Variants in DSCAM observed in about 807,000 individuals in gnomAD.
DSCAM encodes the protein DS cell adhesion molecule, also known as cell adhesion molecule DSCAM.
DSCAM carries 47 observed loss-of-function variants against 217.7 expected under a neutral mutation model. The ratio of observed to expected loss-of-function variants is 0.22; its 90% confidence interval spans 0.17 to 0.28. The LOEUF (loss-of-function observed/expected upper bound fraction) is 0.28. Among genes scored for constraint, DSCAM ranks in the 10% least tolerant of loss-of-function variants. The probability of loss-of-function intolerance (pLI) is 1.00; values close to 1 mark genes in which losing one functional copy is unlikely to be tolerated. For missense variants in DSCAM, 2,080 were observed against 2,618.3 expected, an observed-to-expected ratio of 0.79 and a Z score of 4.49; for synonymous variants, 1,056 against 1,015.3, an observed-to-expected ratio of 1.04 and a Z score of -0.76.
At chr21:40,834,324 A>G (rs375724955) in intron 1 of DSCAM, among the ~76,000 whole-genome samples, 1 of 151,178 alleles carries the variant, frequency 6.6e-6, no homozygotes, top group Non-Finnish European at 1.5e-5. Flanking sequence ...GGAGAACGGC[A>G]TGAACCCGGG....
chr21:40,142,752 G>A (rs1197113942), intron 17 of DSCAM, 48 bp from the exon 18 acceptor site: 3 of 1,479,156 alleles, frequency 2.0e-6, no homozygotes, highest in Non-Finnish European at 2.7e-6. Context: ...TGGTTTATGA[G>A]CAAAGCAATA....
chr21:40,559,844 G>C (rs1418444293), intron 3 of DSCAM, among the ~76,000 whole-genome samples: 2 of 144,504 alleles, frequency 1.4e-5, no homozygotes, highest in Non-Finnish European at 1.5e-5. Context: ...CCAGGCTGGA[G>C]TGCAGTGGCG....
chr21:40,057,064 G>A (rs1299127850), intron 28 of DSCAM, among the ~76,000 whole-genome samples: 3 of 152,178 alleles, frequency 2.0e-5, no homozygotes, highest in African/African-American at 7.2e-5. Flanking sequence ...TATACTCCTC[G>A]TTTGAGTAAA....
intron 3 of DSCAM, among the ~76,000 whole-genome samples, chr21:40,556,194 ATTTAG>A (rs1180331188): frequency 6.6e-6 from 1 of 152,198 alleles, no homozygotes; most frequent in Non-Finnish European, 1.5e-5. Context: ...GATTCTATGT[ATTTAG>A]TTTACTCTTG....
At chr21:40,502,090 A>AT (rs1329656917) in intron 3 of DSCAM, among the ~76,000 whole-genome samples, 1 of 152,102 alleles carries the variant, frequency 6.6e-6, no homozygotes, top group Non-Finnish European at 1.5e-5. Context: ...CATTTGTTCT[A>AT]TTTTTCACTA....
At chr21:40,365,221 C>T (rs903738287) in intron 4 of DSCAM, among the ~76,000 whole-genome samples, 5 of 151,964 alleles carry the variant, frequency 3.3e-5, no homozygotes, top group African/African-American at 1.2e-4. Context: ...GCAGACCCAC[C>T]CTCAATCTGG....
At chr21:40,846,001 T>A (rs1480536430) in intron 1 of DSCAM, among the ~76,000 whole-genome samples, 1 of 97,904 alleles carries the variant, frequency 1.0e-5, no homozygotes, top group African/African-American at 5.0e-5. Context: ...ATACAGGTGT[T>A]TTTTTTTTTT....
At chr21:40,589,860 TA>T (rs1180647551) in intron 3 of DSCAM, among the ~76,000 whole-genome samples, 1 of 152,200 alleles carries the variant, frequency 6.6e-6, no homozygotes, top group Non-Finnish European at 1.5e-5. Context: ...TCTGGTAGCT[TA>T]TGTCTGGATA....
chr21:40,213,182 T>C (rs1447181437), intron 11 of DSCAM, among the ~76,000 whole-genome samples: 1 of 152,238 alleles, frequency 6.6e-6, no homozygotes, highest in African/African-American at 2.4e-5. Flanking sequence ...CACAAAACTT[T>C]TACTTATTAT....
chr21:40,167,377 A>G, intron 15 of DSCAM, 89 bp from the exon 16 acceptor site: 2 of 1,120,934 alleles, frequency 1.8e-6, no homozygotes, highest in South Asian at 2.5e-5. Flanking sequence ...CCCGAGGACA[A>G]CCCATCCCTA....
At chr21:40,039,617 T>TATTA (rs1044146600) in intron 32 of DSCAM, among the ~76,000 whole-genome samples, 4 of 152,206 alleles carry the variant, frequency 2.6e-5, no homozygotes, top group East Asian at 1.9e-4. Flanking sequence ...TATTCAATAC[T>TATTA]ATTAATTCAT....
intron 3 of DSCAM, among the ~76,000 whole-genome samples, chr21:40,591,523 A>T (rs2076984382): frequency 6.6e-6 from 1 of 152,230 alleles, no homozygotes; most frequent in African/African-American, 2.4e-5. Flanking sequence ...TATGACAGAC[A>T]TTTGAAACAG....
chr21:40,333,499 G>A (rs2074397919), intron 8 of DSCAM, among the ~76,000 whole-genome samples: 2 of 152,104 alleles, frequency 1.3e-5, no homozygotes, highest in Admixed American at 1.3e-4. Context: ...TGAGTATCTA[G>A]GATTACAGGT....
intron 3 of DSCAM, among the ~76,000 whole-genome samples, chr21:40,568,498 T>C (rs1282394995): frequency 6.6e-6 from 1 of 152,130 alleles, no homozygotes; most frequent in Non-Finnish European, 1.5e-5. Flanking sequence ...AGGCTGTACA[T>C]TCAAGGAGAT....
chr21:40,187,753 C>G, intron 13 of DSCAM, 138 bp downstream of exon 13: 1 of 805,856 alleles, frequency 1.2e-6, no homozygotes, highest in East Asian at 2.7e-5. Flanking sequence ...TTAGCACTGA[C>G]ATTATACATA....
rs982422152 is a variant in DSCAM, at chr21:40,683,710, C to T, written c.508+9100G>A. ...GGACAGCTCTTCCTGTGGGAGAGAA[C>T]GTGGGGCTGAGCCATGAAGGAGGTA... On this transcript the variant is annotated intron_variant, in intron 3 of 32. Transcript: ENST00000400454. Among the ~76,000 whole-genome samples, 5 of 152,068 alleles carry T rather than the reference C, an allele frequency of 3.3e-5. No individual in the cohort carries two copies. In the East Asian group the frequency reaches 5.8e-4, roughly 18 times the overall value.
At position 40,013,142 on chromosome 21, in the gene DSCAM, T is replaced by C. The variant is rs757918990; in HGVS notation, c.5931A>G (p.Ala1977=). The C allele has an allele frequency of 6.2e-7, 1 of 1,613,372 alleles. No individual in the cohort carries two copies. Among genetic ancestry groups the C allele is most frequent in the Non-Finnish European group, 8.5e-7 (1 of 1,179,562 alleles). ...AVATLPQREG[A]ELGQAAKMSS... ...TCATTTTAGCTGCCTGTCCCAGCTC[T>C]GCTCCCTCCCGCTGAGGTAATGTGG... The change falls in exon 33 of 33, where the codon GCA becomes GCG. Residue 1977 remains alanine, a synonymous_variant. Coordinates refer to ENST00000400454, the MANE Select transcript of DSCAM (RefSeq NM_001389.5).
intron 1 of DSCAM, among the ~76,000 whole-genome samples, chr21:40,788,177 A>T (rs1025191070): frequency 1.3e-5 from 2 of 151,972 alleles, no homozygotes; most frequent in Non-Finnish European, 2.9e-5. Flanking sequence ...TTATTCAATA[A>T]GAAAACATTA....
intron 3 of DSCAM, among the ~76,000 whole-genome samples, chr21:40,481,038 C>T (rs1045732020): frequency 2.0e-5 from 3 of 152,232 alleles, no homozygotes; most frequent in Admixed American, 6.5e-5. Context: ...AAGGCCCGCA[C>T]CAGATGCGGC....
Sources: gnomAD v4.1 joint callset for allele counts (sites outside exome capture counted in the v4.1 genomes callset) on GRCh38, gnomAD v4.1.1 for gene constraint, MANE v1.5 for transcripts, NCBI Gene and HGNC (gene_info 2026-07-23, HGNC 2026-07-21) for gene names.